The following FNBP1L variants were observed in gnomAD, a reference collection of about 807,000 sequenced individuals.
FNBP1L encodes formin binding protein 1 like.
FNBP1L carries 36 observed loss-of-function variants against 91.2 expected under a neutral mutation model. The observed-to-expected ratio is 0.39, with a 90% CI of 0.30 to 0.52. FNBP1L has a LOEUF of 0.52. FNBP1L is among the 20% of genes least tolerant of loss of function. The probability of loss-of-function intolerance (pLI) is 0.66; values close to 1 mark genes in which losing one functional copy is unlikely to be tolerated. For synonymous variants in FNBP1L, 242 were observed against 237.0 expected (o/e 1.02, Z -0.19); for missense variants, 571 against 732.1 (o/e 0.78, Z 2.54).
At chr1:93,458,081 C>T (rs1004203760) in intron 1 of FNBP1L, among the ~76,000 whole-genome samples, 9 of 152,078 alleles carry the variant, frequency 5.9e-5, no homozygotes, top group African/African-American at 9.7e-5. Context: ...TGAGCCACGA[C>T]GCCCGGCCGG....
At chr1:93,482,303 C>G (rs528070667) in intron 1 of FNBP1L, among the ~76,000 whole-genome samples, 71 of 152,274 alleles carry the variant, frequency 4.7e-4, no homozygotes, top group African/African-American at 1.6e-3. Context: ...CCTAGTATAT[C>G]TGTTAATTAT....
intron 6 of FNBP1L, 60 bp from the exon 7 acceptor site, chr1:93,530,695 C>CA: frequency 1.3e-6 from 2 of 1,539,862 alleles, no homozygotes; most frequent in Non-Finnish European, 1.7e-6. Flanking sequence ...GTATAATTTT[C>CA]AAAAAAGTGA....
At chr1:93,494,177 A>T (rs1670189759) in intron 1 of FNBP1L, among the ~76,000 whole-genome samples, 1 of 152,218 alleles carries the variant, frequency 6.6e-6, no homozygotes, top group Non-Finnish European at 1.5e-5. Context: ...GACTTACAGA[A>T]CTCAGGGAAA....
In FNBP1L at chr1:93,506,026, A is replaced by G. The variant is rs1432135990; in HGVS notation, c.140+6443A>G. On this transcript the variant is annotated intron_variant, in intron 2 of 16. Transcript: ENST00000271234. ...ACCTTTTATGTTTAATTTTTTTACT[A>G]TAAGAGAGAAGATTCGTGGCCGAAA... is the stretch of plus-strand genomic sequence containing the variant. Among the ~76,000 whole-genome samples, 6 of 152,198 alleles carry G rather than the reference A, an allele frequency of 3.9e-5. No individual in the cohort carries two copies. The East Asian group carries it at 1.2e-3, about 29-fold the overall frequency.
intron 10 of FNBP1L, among the ~76,000 whole-genome samples, chr1:93,537,934 C>T (rs1387747899): frequency 1.3e-5 from 2 of 152,090 alleles, no homozygotes; most frequent in African/African-American, 2.4e-5. Context: ...CTCAAGCAGT[C>T]CTCCCACTTC....
chr1:93,530,695 CA>C (rs1557812879), intron 6 of FNBP1L, 59 bp from the exon 7 acceptor site: 3 of 1,539,862 alleles, frequency 1.9e-6, no homozygotes, highest in Non-Finnish European at 2.6e-6. Context: ...GTATAATTTT[CA>C]AAAAAGTGAA....
At chr1:93,516,844 A>G (rs916240147) in intron 2 of FNBP1L, among the ~76,000 whole-genome samples, 1 of 152,176 alleles carries the variant, frequency 6.6e-6, no homozygotes, top group African/African-American at 2.4e-5. Context: ...TAATTTCTAG[A>G]AAACAACCCC....
chr1:93,538,560 CTTTTGAT>C (rs1332012447), intron 10 of FNBP1L, among the ~76,000 whole-genome samples: 1 of 151,858 alleles, frequency 6.6e-6, no homozygotes, highest in Non-Finnish European at 1.5e-5. Context: ...AAATTTTTTT[CTTTTGAT>C]TACCGTTTGG....
rs534976924 is a variant in FNBP1L, at chr1:93,536,351, C to A, written c.1010C>A (p.Thr337Asn). ...TATTAGCCACAGTCCCCACCCTTAA[C>A]CCCTACTAGTTTATTCACATCCAGT... Reference protein sequence around the residue: ...KKPKPQSPPLTPTSLFTSSTP... With the variant: ...KKPKPQSPPLNPTSLFTSSTP... The change falls in exon 10 of 17, where the codon ACC becomes AAC. Residue 337 changes from threonine (T) to asparagine (N), a missense_variant. Around this residue, in one of 5 missense-constraint regions of FNBP1L, gnomAD observed 150 missense variants for 155.9 expected, o/e 0.96. Transcript: ENST00000271234. 3.9e-6 allele frequency: 6 copies of A among 1,542,690 alleles called. No individual in the cohort carries two copies. The highest frequency in any genetic ancestry group is 5.3e-6 in the Non-Finnish European group (6 of 1,142,548).
chr1:93,508,578 A>C (rs1017903537), intron 2 of FNBP1L, among the ~76,000 whole-genome samples: 2 of 152,094 alleles, frequency 1.3e-5, no homozygotes, highest in Non-Finnish European at 2.9e-5. Context: ...AGGCAAGAGG[A>C]ATTTATTTTT....
At position 93,471,910 on chromosome 1, in the gene FNBP1L, A is replaced by G. The variant is rs144440231; in HGVS notation, c.24+23605A>G. On this transcript the variant is annotated intron_variant, in intron 1 of 16. Coordinates refer to ENST00000271234, the MANE Select transcript of FNBP1L (RefSeq NM_001164473.3). ...GAGAGTCTAATAATAACATTAATTT[A>G]TGGGGGTGTTGGGTGGGCAGCAGTT... Among the ~76,000 whole-genome samples, 796 of 152,252 alleles carry G rather than the reference A, an allele frequency of 5.2e-3. 10 individuals carry two copies. The highest frequency in any genetic ancestry group is 0.018 in the African/African-American group (753 of 41,550).
At chr1:93,516,137 T>G (rs1446871465) in intron 2 of FNBP1L, among the ~76,000 whole-genome samples, 1 of 152,164 alleles carries the variant, frequency 6.6e-6, no homozygotes, top group African/African-American at 2.4e-5. Flanking sequence ...TCAGTGTATC[T>G]GATTTAAAAT....
Position 93,534,557 on chromosome 1 carries a change from T to G in FNBP1L, c.787-148T>G, listed in dbSNP as rs911778749. The G allele has an allele frequency of 5.8e-6, 3 of 517,588 alleles. No individual in the cohort carries two copies. The South Asian group carries it at 1.3e-4, about 22-fold the overall frequency. The allele number at this position is 517,588 out of a possible 1,614,324, so 32.1% of individuals were successfully genotyped here. A position where few individuals can be genotyped will look rare whatever the true frequency, so the allele number is the denominator to read the frequency against. On this transcript the variant is annotated intron_variant, in intron 8 of 16. Transcript: ENST00000271234. ...ATACTTTGAGTTTGTTACACATTCA[T>G]GGGAATAAATTATTTACCTTAATGA...
At chr1:93,480,926 G>A (rs1171115051) in intron 1 of FNBP1L, among the ~76,000 whole-genome samples, 1 of 151,968 alleles carries the variant, frequency 6.6e-6, no homozygotes, top group Non-Finnish European at 1.5e-5. Flanking sequence ...GTATTATAAA[G>A]TTGCCAGATT....
chr1:93,547,883 ATTTC>A (rs942544810), intron 14 of FNBP1L, among the ~76,000 whole-genome samples: 3 of 152,124 alleles, frequency 2.0e-5, no homozygotes, highest in Non-Finnish European at 4.4e-5. Context: ...CACTTGTGAC[ATTTC>A]TTTCTTGATG....
chr1:93,523,523 A>G, intron 4 of FNBP1L, 32 bp downstream of exon 4: 4 of 1,568,936 alleles, frequency 2.5e-6, no homozygotes, highest in Non-Finnish European at 3.5e-6. Context: ...CAATTGCAAT[A>G]GTATATGAAA....
At chr1:93,538,352 TCATAAGTTATTTACGTAAGATAG>T (rs1195487776) in intron 10 of FNBP1L, among the ~76,000 whole-genome samples, 2 of 152,024 alleles carry the variant, frequency 1.3e-5, no homozygotes, top group Non-Finnish European at 2.9e-5. Flanking sequence ...TTATAGATAT[TCATAAGTTATTTACGTAAGATAG>T]CATAAGTTAT....
chr1:93,484,301 C>T (rs1669821870), intron 1 of FNBP1L, among the ~76,000 whole-genome samples: 1 of 152,126 alleles, frequency 6.6e-6, no homozygotes, highest in Non-Finnish European at 1.5e-5. Flanking sequence ...TCTCTTCTAG[C>T]TGTAAAGGCC....
chr1:93,535,775 G>C (rs1671826657), intron 9 of FNBP1L, among the ~76,000 whole-genome samples: 1 of 151,368 alleles, frequency 6.6e-6, no homozygotes, highest in Non-Finnish European at 1.5e-5. Context: ...TTTTAAGTCA[G>C]ATCGAGGTAG....
Sources: allele counts gnomAD v4.1 joint callset (sites outside exome capture counted in the v4.1 genomes callset), GRCh38; gene constraint gnomAD v4.1.1; regional missense constraint gnomAD v4.1.1; transcripts MANE v1.5; gene names NCBI Gene and HGNC (gene_info 2026-07-23, HGNC 2026-07-21).